Variants in VPS13A observed in about 807,000 individuals in gnomAD.
VPS13A encodes intermembrane lipid transfer protein VPS13A.
Under a neutral mutation model 390.9 loss-of-function variants are expected in VPS13A, and 264 were observed. That is an observed-to-expected ratio of 0.68 (90% confidence interval 0.61 to 0.75). The LOEUF (loss-of-function observed/expected upper bound fraction) is 0.75. Ranked by LOEUF, VPS13A falls within the 30% of genes least tolerant of loss-of-function variation. VPS13A has a pLI of 0.00. For synonymous variants in VPS13A, 1,231 were observed against 1,227.1 expected, an observed-to-expected ratio of 1.00 and a Z score of -0.07; for missense variants, 3,409 against 3,733.9, an observed-to-expected ratio of 0.91 and a Z score of 2.27.
chr9:77,384,626 C>G (rs1833604378), intron 68 of VPS13A: 4 of 1,609,488 alleles, frequency 2.5e-6, no homozygotes, highest in Non-Finnish European at 3.4e-6. Context: ...CTCACAGTAG[C>G]AGTAGTGATG....
chr9:77,249,798 A>G (rs1461515754), intron 20 of VPS13A, among the ~76,000 whole-genome samples: 1 of 152,200 alleles, frequency 6.6e-6, no homozygotes, highest in Admixed American at 6.5e-5. Context: ...TCTTGCTCTT[A>G]ATCAGAAGGC....
intron 46 of VPS13A, among the ~76,000 whole-genome samples, chr9:77,332,752 T>C (rs1009272963): frequency 2.8e-4 from 42 of 152,166 alleles, no homozygotes; most frequent in Non-Finnish European, 3.2e-4. Context: ...TTGAACCTTA[T>C]TGGAGAATAA....
chr9:77,299,738 G>A (rs1317545749), intron 33 of VPS13A, among the ~76,000 whole-genome samples: 3 of 152,146 alleles, frequency 2.0e-5, no homozygotes, highest in Admixed American at 6.5e-5. Context: ...GGAATGCTAT[G>A]CAGCCATAAA....
intron 24 of VPS13A, among the ~76,000 whole-genome samples, 176 bp downstream of exon 24, chr9:77,273,540 G>A (rs1216905662): frequency 6.6e-6 from 1 of 152,126 alleles, no homozygotes; most frequent in Non-Finnish European, 1.5e-5. Flanking sequence ...AAAACAAGCA[G>A]ATTTACTAGC....
At chr9:77,240,424 C>T (rs1174005903) in intron 19 of VPS13A, among the ~76,000 whole-genome samples, 1 of 148,682 alleles carries the variant, frequency 6.7e-6, no homozygotes, top group African/African-American at 2.5e-5. Flanking sequence ...TAAATATTTT[C>T]TCTTGTAAGA....
chr9:77,316,677 A>G (rs1829409377), intron 39 of VPS13A, among the ~76,000 whole-genome samples: 1 of 152,048 alleles, frequency 6.6e-6, no homozygotes, highest in Non-Finnish European at 1.5e-5. Flanking sequence ...ATCTACTTTG[A>G]CTTTCTAACC....
At chr9:77,323,819 G>T (rs1368281173) in intron 45 of VPS13A, among the ~76,000 whole-genome samples, 2 of 152,120 alleles carry the variant, frequency 1.3e-5, no homozygotes, top group Non-Finnish European at 2.9e-5. Context: ...CTTTCATTCA[G>T]AAAAATTTTG....
At position 77,315,370 on chromosome 9, in the gene VPS13A, C is replaced by T. The variant is rs746350172; in HGVS notation, c.4530C>T (p.Ser1510=). ...AVFQEMYICA[S]VEFLQTVANV... ...TTCAAGAAATGTATATTTGTGCAAGCGTAGAATTTCTGCAGACTGTTGCAA... is the reference window on the plus strand; with the variant it reads ...TTCAAGAAATGTATATTTGTGCAAGTGTAGAATTTCTGCAGACTGTTGCAA... The change falls in exon 38 of 72, where the codon AGC becomes AGT. Residue 1510 remains serine, a synonymous_variant. Transcript: ENST00000360280. 20 of 1,613,774 alleles carry T rather than the reference C, an allele frequency of 1.2e-5. No homozygotes were observed. Among genetic ancestry groups the T allele is most frequent in the African/African-American group, 2.7e-5 (2 of 74,896 alleles).
chr9:77,300,448 G>T (rs555365239), intron 33 of VPS13A, among the ~76,000 whole-genome samples: 14 of 152,268 alleles, frequency 9.2e-5, no homozygotes, highest in Non-Finnish European at 1.6e-4. Flanking sequence ...TGAAAATGCA[G>T]TTGCTGGGCA....
intron 31 of VPS13A, among the ~76,000 whole-genome samples, chr9:77,289,343 T>C (rs1827516344): frequency 6.6e-6 from 1 of 152,228 alleles, no homozygotes; most frequent in Admixed American, 6.5e-5. Context: ...ATTATTGATA[T>C]GATTGGATTG....
intron 68 of VPS13A, among the ~76,000 whole-genome samples, chr9:77,383,751 T>C (rs188314897): frequency 7.4e-4 from 112 of 152,126 alleles, no homozygotes; most frequent in Non-Finnish European, 5.5e-4. Flanking sequence ...TATTTATTTT[T>C]AATAGGTCAG....
chr9:77,312,675 A>C (rs557510719), intron 35 of VPS13A, among the ~76,000 whole-genome samples: 1 of 152,108 alleles, frequency 6.6e-6, no homozygotes, highest in Non-Finnish European at 1.5e-5. Flanking sequence ...TTGGCCTCCC[A>C]AAGTGCTGGG....
At chr9:77,327,375 A>T (rs1347538506) in intron 45 of VPS13A, among the ~76,000 whole-genome samples, 1 of 152,098 alleles carries the variant, frequency 6.6e-6, no homozygotes, top group East Asian at 1.9e-4. Flanking sequence ...ATGAATTTTG[A>T]ATTTCTTACA....
In VPS13A at chr9:77,303,842, A is replaced by G. The variant is rs571884299; in HGVS notation, c.3960+780A>G. 1.6e-4 allele frequency among the ~76,000 whole-genome samples: 25 copies of G among 152,312 alleles called. 1 individual carries two copies. In the South Asian group the frequency reaches 4.8e-3, roughly 29 times the overall value. On this transcript the variant is annotated intron_variant, in intron 34 of 71. Transcript: ENST00000360280. ...CTGCAAACATGTCTCGCCTCCCACC[A>G]TAGGGCGGTTTTTCTCCTATCTCAG...
intron 31 of VPS13A, among the ~76,000 whole-genome samples, chr9:77,291,362 CA>C (rs1827647365): frequency 6.6e-6 from 1 of 152,104 alleles, no homozygotes; most frequent in African/African-American, 2.4e-5. Context: ...TCCCTGTTAC[CA>C]AAAAGGCTGG....
chr9:77,226,661 T>G, intron 15 of VPS13A, 63 bp downstream of exon 15: 5 of 1,564,904 alleles, frequency 3.2e-6, no homozygotes, highest in Admixed American at 1.7e-5. Flanking sequence ...TTTTGCCATT[T>G]TTTGCCTAAT....
At position 77,359,348 on chromosome 9, in the gene VPS13A, C is replaced by T. The variant is rs767769357; in HGVS notation, c.8051C>T (p.Thr2684Ile). Residue 2684 changes from threonine to isoleucine, a missense_variant, in exon 58 of 72, where the codon ACA becomes ATA. Thr to Ile is a moderately conservative substitution (Grantham distance 89). This residue lies in a region of VPS13A where 221 missense variants were observed against 300.7 expected (regional missense o/e 0.73). Coordinates refer to ENST00000360280, the MANE Select transcript of VPS13A (RefSeq NM_033305.3). ...VTMDSAPKPF[T>I]DVSIVMRSAG... ...ACCTTTACAGCACCAAAGCCCTTTA[C>T]AGATGTCAGTATTGTCATGAGATCT... The T allele has an allele frequency of 9.9e-6, 16 of 1,613,516 alleles. No homozygotes were observed. The highest frequency in any genetic ancestry group is 1.4e-5 in the Non-Finnish European group (16 of 1,179,672).
chr9:77,255,170 G>C (rs978882667), intron 22 of VPS13A, among the ~76,000 whole-genome samples: 1 of 152,022 alleles, frequency 6.6e-6, no homozygotes, highest in Non-Finnish European at 1.5e-5. Context: ...GTTTCCTTCT[G>C]TTCCTAGTTT....
In VPS13A at chr9:77,317,647, A is replaced by G. The variant is rs1829477812; in HGVS notation, c.4905A>G (p.Lys1635=). 6.2e-7 allele frequency: 1 copy of G among 1,603,732 alleles called. No homozygotes were observed. The highest frequency in any genetic ancestry group is 1.7e-5 in the Admixed American group (1 of 59,598). ...ACTTGTTTTATCAAACTACTCAGAA[A>G]GGTACAGATCCACAAGTGATCGATA... is the stretch of plus-strand genomic sequence containing the variant. ...PCDLFYQTTQ[K]GTDPQVIDMS... Residue 1635 remains lysine, a synonymous_variant, in exon 40 of 72, where the codon AAA becomes AAG. Transcript: ENST00000360280.
Sources: gnomAD v4.1 joint callset for allele counts (sites outside exome capture counted in the v4.1 genomes callset) on GRCh38, gnomAD v4.1.1 for gene constraint, gnomAD v4.1.1 regional missense constraint, MANE v1.5 for transcripts, NCBI Gene and HGNC (gene_info 2026-07-23, HGNC 2026-07-21) for gene names.